Variants in TAS2R1 observed in about 807,000 individuals in gnomAD.
TAS2R1 encodes taste receptor type 2 member 1.
For synonymous variants in TAS2R1, 141 were observed against 134.2 expected, an observed-to-expected ratio of 1.05 and a Z score of -0.35; for missense variants, 370 against 353.4, an observed-to-expected ratio of 1.05 and a Z score of -0.38.
At chr5:9,801,141 A>G in the TAS2R1 span, among the ~76,000 whole-genome samples, 1 of 152,236 alleles carries the variant, frequency 6.6e-6, no homozygotes, top group African/African-American at 2.4e-5. Context: ...CAGTGAGCAG[A>G]GATCACACTA....
chr5:9,734,290 T>G, the TAS2R1 span, among the ~76,000 whole-genome samples: 2 of 152,176 alleles, frequency 1.3e-5, no homozygotes, highest in Non-Finnish European at 2.9e-5. Context: ...TTACCCAACC[T>G]AAGGTATTTT....
At chr5:9,744,590 T>G in the TAS2R1 span, among the ~76,000 whole-genome samples, 1 of 151,924 alleles carries the variant, frequency 6.6e-6, no homozygotes, top group Non-Finnish European at 1.5e-5. Context: ...GCCAGGTGAG[T>G]CTTTCATGAC....
At chr5:9,635,664 A>G (rs1739950398) in intron 2 of TAS2R1, among the ~76,000 whole-genome samples, 1 of 151,180 alleles carries the variant, frequency 6.6e-6, no homozygotes, top group African/African-American at 2.4e-5. Flanking sequence ...TTTCTTCCTG[A>G]CTTAAGCTGG....
At chr5:9,719,654 C>G in the TAS2R1 span, among the ~76,000 whole-genome samples, 5 of 151,728 alleles carry the variant, frequency 3.3e-5, no homozygotes, top group African/African-American at 9.7e-5. Context: ...TCTGGCCGGG[C>G]GCGGTGGCTC....
the TAS2R1 span, among the ~76,000 whole-genome samples, chr5:9,743,503 T>A: frequency 6.6e-6 from 1 of 152,180 alleles, no homozygotes; most frequent in Non-Finnish European, 1.5e-5. Context: ...GGAAGATTTC[T>A]GGATGGAAAC....
At chr5:9,728,589 T>G in the TAS2R1 span, among the ~76,000 whole-genome samples, 2 of 152,188 alleles carry the variant, frequency 1.3e-5, no homozygotes, top group Admixed American at 1.3e-4. Context: ...CTTGCCCTAC[T>G]AGGGTGGCCT....
upstream of TAS2R1, among the ~76,000 whole-genome samples, chr5:9,634,829 A>C (rs1197911261): frequency 6.6e-6 from 1 of 151,934 alleles, no homozygotes; most frequent in African/African-American, 2.4e-5. Flanking sequence ...CATTTATCTG[A>C]TCTAGGAGCT....
chr5:9,671,381 C>G (rs1300076076), intron 1 of TAS2R1, among the ~76,000 whole-genome samples: 3 of 151,980 alleles, frequency 2.0e-5, no homozygotes, highest in African/African-American at 7.2e-5. Flanking sequence ...ATGATTTACA[C>G]CTAGAAAATC....
the TAS2R1 span, among the ~76,000 whole-genome samples, chr5:9,749,055 T>C: frequency 2.6e-5 from 4 of 152,222 alleles, no homozygotes; most frequent in Non-Finnish European, 4.4e-5. Flanking sequence ...TTCTTATTTT[T>C]AGACTTCTCC....
chr5:9,793,345 C>T, the TAS2R1 span, among the ~76,000 whole-genome samples: 1 of 152,296 alleles, frequency 6.6e-6, no homozygotes, highest in East Asian at 1.9e-4. Context: ...TTCAAAACAA[C>T]TCAATACTAC....
At chr5:9,828,377 C>T in the TAS2R1 span, among the ~76,000 whole-genome samples, 2 of 152,164 alleles carry the variant, frequency 1.3e-5, no homozygotes, top group African/African-American at 4.8e-5. Flanking sequence ...CTGCCCGCCT[C>T]AGGCTCCCAA....
chr5:9,869,426 A>G, the TAS2R1 span, among the ~76,000 whole-genome samples: 9 of 152,124 alleles, frequency 5.9e-5, no homozygotes, highest in Non-Finnish European at 1.3e-4. Context: ...ATCTCATGAA[A>G]CTTATTCACT....
chr5:9,754,418 C>A, the TAS2R1 span, among the ~76,000 whole-genome samples: 4 of 152,184 alleles, frequency 2.6e-5, no homozygotes, highest in African/African-American at 9.6e-5. Flanking sequence ...GGCAATCAGG[C>A]AGGAGAAGGA....
intron 1 of TAS2R1, among the ~76,000 whole-genome samples, chr5:9,678,199 C>G (rs1056095287): frequency 6.6e-6 from 1 of 152,124 alleles, no homozygotes; most frequent in Non-Finnish European, 1.5e-5. Context: ...CATCACTGAT[C>G]ATTAGAGAAT....
At chr5:9,819,677 G>A in the TAS2R1 span, among the ~76,000 whole-genome samples, 9 of 152,144 alleles carry the variant, frequency 5.9e-5, no homozygotes, top group African/African-American at 2.2e-4. Flanking sequence ...ATACGGATGG[G>A]TGCGGCATGC....
At chr5:9,642,811 A>G (rs188824107) in intron 2 of TAS2R1, among the ~76,000 whole-genome samples, 274 of 152,332 alleles carry the variant, frequency 1.8e-3, no homozygotes, top group African/African-American at 6.0e-3. Flanking sequence ...CTTGTTAGTT[A>G]CAATGAGGAA....
chr5:9,852,768 G>C, the TAS2R1 span, among the ~76,000 whole-genome samples: 1 of 152,210 alleles, frequency 6.6e-6, no homozygotes, highest in East Asian at 1.9e-4. Flanking sequence ...ACATCAGATG[G>C]TGACAAATGA....
chr5:9,897,556 A>G, the TAS2R1 span, among the ~76,000 whole-genome samples: 23 of 152,364 alleles, frequency 1.5e-4, no homozygotes, highest in East Asian at 1.2e-3. Context: ...CCGCACGTCT[A>G]TACCCAGAAC....
the TAS2R1 span, among the ~76,000 whole-genome samples, chr5:9,728,074 T>C: frequency 2.6e-5 from 4 of 152,074 alleles, no homozygotes; most frequent in African/African-American, 4.8e-5. Flanking sequence ...AAGTACTGGA[T>C]AGATCAAGCC....
Sources: gnomAD v4.1 joint callset for allele counts (sites outside exome capture counted in the v4.1 genomes callset) on GRCh38, gnomAD v4.1.1 for gene constraint, MANE v1.5 for transcripts, NCBI Gene and HGNC (gene_info 2026-07-23, HGNC 2026-07-21) for gene names.